The following SOX6 variants were observed in gnomAD, a reference collection of about 807,000 sequenced individuals.
SOX6 encodes the protein SRY-box transcription factor 6.
In SOX6, 11 loss-of-function variants were observed where a neutral mutation model predicts 97.8. The ratio of observed to expected loss-of-function variants is 0.11; its 90% CI spans 0.07 to 0.19. The LOEUF is 0.19. Among genes scored for constraint, SOX6 ranks in the 10% least tolerant of loss-of-function variants. The pLI, the probability that SOX6 is intolerant of heterozygous loss-of-function variation, is 1.00. For missense variants in SOX6, 810 were observed against 1,039.5 expected (o/e 0.78, Z 3.04); for synonymous variants, 360 against 371.4 (o/e 0.97, Z 0.35).
At chr11:16,020,672 C>T (rs1350134649) in intron 12 of SOX6, among the ~76,000 whole-genome samples, 1 of 152,122 alleles carries the variant, frequency 6.6e-6, no homozygotes, top group Non-Finnish European at 1.5e-5. Context: ...TCCATGAACT[C>T]TATAAACTCT....
intron 4 of SOX6, among the ~76,000 whole-genome samples, chr11:16,507,421 A>T (rs35486927): frequency 0.17 from 26,188 of 152,162 alleles, 2,298 homozygotes; most frequent in African/African-American, 0.19. Context: ...ACACTCCTAA[A>T]ATTTTTATGA....
chr11:16,446,252 G>C (rs1466169796), intron 1 of SOX6, among the ~76,000 whole-genome samples: 4 of 151,514 alleles, frequency 2.6e-5, no homozygotes, highest in African/African-American at 9.7e-5. Context: ...GAAAAAGAGA[G>C]GAAAGAAAGG....
At chr11:16,342,444 C>T (rs1213374013) in intron 1 of SOX6, among the ~76,000 whole-genome samples, 1 of 151,734 alleles carries the variant, frequency 6.6e-6, no homozygotes, top group Non-Finnish European at 1.5e-5. Flanking sequence ...AAAAAATGCA[C>T]AAATCAGTTA....
At chr11:16,189,077 A>C (rs1851561147) in intron 4 of SOX6, among the ~76,000 whole-genome samples, 1 of 152,164 alleles carries the variant, frequency 6.6e-6, no homozygotes, top group African/African-American at 2.4e-5. Context: ...ACAAACAAAC[A>C]AAAAAATTGA....
intron 3 of SOX6, chr11:16,312,305 A>T (rs193036339): frequency 2.6e-5 from 4 of 152,314 alleles, no homozygotes; most frequent in Admixed American, 2.0e-4. Context: ...TTTTAAAAAG[A>T]GCCATAGAGT....
intron 4 of SOX6, among the ~76,000 whole-genome samples, chr11:16,608,969 A>C (rs915347886): frequency 1.3e-5 from 2 of 152,318 alleles, no homozygotes; most frequent in Non-Finnish European, 2.9e-5. Flanking sequence ...TCAGATGTAG[A>C]AAATTATGTT....
intron 4 of SOX6, among the ~76,000 whole-genome samples, chr11:16,596,694 T>C (rs962710775): frequency 1.3e-5 from 2 of 152,222 alleles, no homozygotes; most frequent in African/African-American, 4.8e-5. Flanking sequence ...TGCATTTTCA[T>C]CTTTGAAATT....
chr11:16,010,110 A>G (rs1378895284), intron 13 of SOX6, among the ~76,000 whole-genome samples: 1 of 148,694 alleles, frequency 6.7e-6, no homozygotes, highest in Non-Finnish European at 1.5e-5. Context: ...TATAAAACTT[A>G]GAAGCAGTTG....
At chr11:16,302,634 A>G (rs562372387) in intron 3 of SOX6, among the ~76,000 whole-genome samples, 1 of 133,226 alleles carries the variant, frequency 7.5e-6, no homozygotes, top group African/African-American at 2.9e-5. Flanking sequence ...GCAGTGCACG[A>G]TCTCAGGTCA....
chr11:16,315,512 T>C (rs1039716188), intron 3 of SOX6: 1 of 152,198 alleles, frequency 6.6e-6, no homozygotes, highest in Non-Finnish European at 1.5e-5. Context: ...GTCTTGGCAT[T>C]GGAAAAAAGA....
At chr11:16,050,263 T>C (rs1847653304) in intron 10 of SOX6, among the ~76,000 whole-genome samples, 1 of 152,238 alleles carries the variant, frequency 6.6e-6, no homozygotes, top group Admixed American at 6.5e-5. Context: ...CAAAGAATTA[T>C]TTAAAATTTC....
At chr11:16,012,009 G>A (rs1245634215) in intron 13 of SOX6, among the ~76,000 whole-genome samples, 1 of 151,908 alleles carries the variant, frequency 6.6e-6, no homozygotes, top group Non-Finnish European at 1.5e-5. Flanking sequence ...TGTTTAAAGA[G>A]GTCAAGGACA....
chr11:16,644,583 T>TG (rs534231257), intron 3 of SOX6, among the ~76,000 whole-genome samples: 13 of 152,002 alleles, frequency 8.6e-5, no homozygotes, highest in East Asian at 5.8e-4. Context: ...CCAAGGTTAT[T>TG]GGGGGGGTAG....
intron 2 of SOX6, among the ~76,000 whole-genome samples, chr11:16,734,026 CAAAAA>C (rs912566097): frequency 3.1e-5 from 2 of 64,916 alleles, no homozygotes; most frequent in Admixed American, 3.4e-4. Flanking sequence ...GACTTTGTCT[CAAAAA>C]AAAAAAAAAA....
In SOX6 at chr11:16,557,049, G is replaced by C. The variant is rs537382500; in HGVS notation, n.609+55032C>G. 3.1e-4 allele frequency among the ~76,000 whole-genome samples: 47 copies of C among 151,876 alleles called. 2 individuals carry two copies. In the South Asian group the frequency reaches 9.7e-3, roughly 31 times the overall value. ...AGACTTCTGATGGTATTTTCAAAAT[G>C]TGGTGTTTCCCTTTAGTCTTATTAA... is the stretch of plus-strand genomic sequence containing the variant. On this transcript the variant is annotated intron_variant and non_coding_transcript_variant, in intron 4 of 5. Transcript: ENST00000524520.
intron 4 of SOX6, among the ~76,000 whole-genome samples, chr11:16,197,208 C>T (rs890038568): frequency 1.3e-5 from 2 of 152,088 alleles, no homozygotes; most frequent in African/African-American, 4.8e-5. Flanking sequence ...AAACACATCC[C>T]TGCCCCCAAA....
intron 1 of SOX6, among the ~76,000 whole-genome samples, chr11:16,395,149 A>C (rs548071386): frequency 6.6e-6 from 1 of 151,870 alleles, no homozygotes; most frequent in South Asian, 2.1e-4. Flanking sequence ...AACAACAACA[A>C]ATATTTACTG....
chr11:16,048,744 G>A (rs988921181), intron 11 of SOX6, among the ~76,000 whole-genome samples: 4 of 152,062 alleles, frequency 2.6e-5, no homozygotes, highest in Admixed American at 2.6e-4. Flanking sequence ...ATAATACAAG[G>A]AAGGTAATCT....
chr11:16,379,574 T>C (rs1484078977), intron 1 of SOX6, among the ~76,000 whole-genome samples: 1 of 152,174 alleles, frequency 6.6e-6, no homozygotes, highest in African/African-American at 2.4e-5. Flanking sequence ...AGTTGTCATA[T>C]TGACAATGGT....
Sources: allele counts gnomAD v4.1 joint callset (sites outside exome capture counted in the v4.1 genomes callset), GRCh38; gene constraint gnomAD v4.1.1; transcripts MANE v1.5; gene names NCBI Gene and HGNC (gene_info 2026-07-23, HGNC 2026-07-21).